Variants in APLP1 observed in about 807,000 individuals in gnomAD.
The protein encoded by APLP1 is amyloid beta precursor like protein 1.
A neutral mutation model predicts 84.5 loss-of-function variants in APLP1; 46 were observed. The ratio of observed to expected loss-of-function variants is 0.54; its 90% CI spans 0.43 to 0.70. The LOEUF is 0.70. APLP1 is among the 30% of genes least tolerant of loss of function. The probability of loss-of-function intolerance (pLI) is 0.00; values close to 1 mark genes in which losing one functional copy is unlikely to be tolerated. For synonymous variants in APLP1, 376 were observed against 364.0 expected, an observed-to-expected ratio of 1.03 and a Z score of -0.38; for missense variants, 826 against 900.2, an observed-to-expected ratio of 0.92 and a Z score of 1.05.
At chr19:35,873,106 C>T (rs1246451243) in intron 7 of APLP1, among the ~76,000 whole-genome samples, 1 of 151,764 alleles carries the variant, frequency 6.6e-6, no homozygotes, top group African/African-American at 2.4e-5. Context: ...GAGATCCACC[C>T]GCCTCGGCCT....
intron 7 of APLP1, 28 bp downstream of exon 7, chr19:35,872,641 C>A: frequency 6.2e-7 from 1 of 1,605,214 alleles, no homozygotes; most frequent in Non-Finnish European, 8.5e-7. Flanking sequence ...CCCAGGACCC[C>A]CTACAGTACA....
Position 35,879,360 on chromosome 19 carries a change from C to A in APLP1, c.1875C>A (p.Thr625=), listed in dbSNP as rs1401341911. The change falls in exon 17 of 17, where the codon ACC becomes ACA. Residue 625 remains threonine (T), a synonymous_variant. Coordinates refer to ENST00000221891, the MANE Select transcript of APLP1 (RefSeq NM_001024807.3). ...CGTTGCAGGTGGACCCCATGCTGACCCTGGAGGAGCAGCAGCTCCGCGAAC... is the reference window on the plus strand; with the variant it reads ...CGTTGCAGGTGGACCCCATGCTGACACTGGAGGAGCAGCAGCTCCGCGAAC... The part of the protein sequence containing the change: ...HGVVEVDPML[T]LEEQQLRELQ... 6.2e-7 allele frequency: 1 copy of A among 1,613,970 alleles called. No homozygotes were observed. Among genetic ancestry groups the A allele is most frequent in the Non-Finnish European group, 8.5e-7 (1 of 1,179,996 alleles).
chr19:35,873,211 C>T (rs1974201210), intron 7 of APLP1, among the ~76,000 whole-genome samples: 1 of 151,384 alleles, frequency 6.6e-6, no homozygotes, highest in African/African-American at 2.4e-5. Context: ...AACCCAGGAG[C>T]CAGCGAGACT....
At chr19:35,878,467 GCC>G in intron 13 of APLP1, 115 bp from the exon 14 acceptor site, 1 of 1,017,158 alleles carries the variant, frequency 9.8e-7, no homozygotes, top group Non-Finnish European at 1.5e-6. Context: ...GATCACTGGA[GCC>G]CAGGAAGTTG....
At chr19:35,869,450 A>T (rs1395498627) in intron 1 of APLP1, 6 of 693,304 alleles carry the variant, frequency 8.7e-6, no homozygotes, top group Non-Finnish European at 1.5e-5. Context: ...AGGCAGAAAG[A>T]ATCCCGGGGG....
At chr19:35,875,909 A>G (rs230268) in intron 10 of APLP1, among the ~76,000 whole-genome samples, 15,498 of 143,688 alleles carry the variant, frequency 0.11, 1,525 homozygotes, top group African/African-American at 0.28. Context: ...GTGAGCCACC[A>G]TGCCCGGCCA....
At chr19:35,873,006 C>T (rs1318058478) in intron 7 of APLP1, among the ~76,000 whole-genome samples, 1 of 152,006 alleles carries the variant, frequency 6.6e-6, no homozygotes, top group Admixed American at 6.6e-5. Context: ...ATTACAGGCA[C>T]CCACCACCAC....
chr19:35,868,746 T>C lies in APLP1; in HGVS notation c.110T>C (p.Ile37Thr). ...LLLLLRAQPA[I>T]GSLAGGSPGA... The stretch of plus-strand genomic sequence containing the variant: ...CTGCTTCTGCGCGCGCAGCCCGCCA[T>C]CGGGAGCCTGGCCGGTGGGAGCCCC... The change falls in exon 1 of 17, where the codon ATC (isoleucine) becomes ACC (threonine). Residue 37 changes from isoleucine (I) to threonine (T), a missense_variant. Ile to Thr is a moderately conservative substitution (Grantham distance 89). Transcript: ENST00000221891. This position sits in a 1 kb window ranked among gnomAD's most constrained non-coding sequence, Gnocchi z 5.2. The C allele has an allele frequency of 7.4e-7, 1 of 1,357,788 alleles. No individual in the cohort carries two copies. Among genetic ancestry groups the C allele is most frequent in the Non-Finnish European group, 9.4e-7 (1 of 1,059,158 alleles). The allele number at this position is 1,357,788 out of a possible 1,614,324, so 84.1% of individuals were successfully genotyped here.
rs1199267803 is a variant in APLP1 at position 35,879,364 on chromosome 19, G to A, written c.1879G>A (p.Glu627Lys). 1.9e-5 allele frequency: 31 copies of A among 1,613,946 alleles called. No homozygotes were observed. The East Asian group carries it at 6.9e-4, about 36-fold the overall frequency. Residue 627 changes from glutamate to lysine, a missense_variant, in exon 17 of 17, where the codon GAG (glutamate) becomes AAG (lysine). Around this residue, in one of 3 missense-constraint regions of APLP1, gnomAD observed 433 missense variants for 496.5 expected, o/e 0.87. Transcript: ENST00000221891. ...GCAGGTGGACCCCATGCTGACCCTG[G>A]AGGAGCAGCAGCTCCGCGAACTGCA... The part of the protein sequence containing the change: ...VVEVDPMLTL[E>K]EQQLRELQRH...
At position 35,879,128 on chromosome 19, in the gene APLP1, G is replaced by A; in HGVS notation, c.1768G>A (p.Gly590Arg). Residue 590 changes from glycine (G) to arginine (R), a missense_variant, in exon 16 of 17, where the codon GGA becomes AGA. By Grantham distance (125) the Gly-to-Arg change is moderately radical (BLOSUM62 -2). This residue lies in a region of APLP1 where 433 missense variants were observed against 496.5 expected (regional missense o/e 0.87). Coordinates refer to ENST00000221891, the MANE Select transcript of APLP1 (RefSeq NM_001024807.3). ...REAVSGLLIM[G>R]AGGGSLIVLS... Reference sequence around the variant, plus strand: ...GGCTGTGTCGGGTCTGCTGATCATGGGAGCGGGCGGAGGCTCCCTCATCGT... The same window carrying A: ...GGCTGTGTCGGGTCTGCTGATCATGAGAGCGGGCGGAGGCTCCCTCATCGT... 1 of 1,612,276 alleles carries A rather than the reference G, an allele frequency of 6.2e-7. No individual in the cohort carries two copies. The highest frequency in any genetic ancestry group is 8.5e-7 in the Non-Finnish European group (1 of 1,179,994).
Position 35,879,342 on chromosome 19 carries a change from G to T in APLP1, c.1858-1G>T. The T allele has an allele frequency of 6.2e-7, 1 of 1,613,962 alleles. No homozygotes were observed. Among genetic ancestry groups the T allele is most frequent in the Non-Finnish European group, 8.5e-7 (1 of 1,179,988 alleles). ...TCCTTTCCCTCCCCTGCTCGTTGCAGGTGGACCCCATGCTGACCCTGGAGG... is the reference window on the plus strand; with the variant it reads ...TCCTTTCCCTCCCCTGCTCGTTGCATGTGGACCCCATGCTGACCCTGGAGG... On this transcript the variant is annotated splice_acceptor_variant, in intron 16 of 16. Transcript: ENST00000221891. LOFTEE classifies it high-confidence loss of function.
chr19:35,879,568 G>T lies in APLP1; in HGVS notation c.*127G>T, dbSNP rs1185996670. The T allele has an allele frequency of 2.7e-6, 2 of 749,936 alleles. No homozygotes were observed. Among genetic ancestry groups the T allele is most frequent in the Non-Finnish European group, 2.1e-6 (1 of 470,700 alleles). 46.5% of individuals were successfully genotyped at this position (749,936 alleles called of 1,614,324 possible). ...TCATTTCACACCCTTTTGTGAGACG[G>T]CTGGAAATTCTTATTTCCCCTTTCC... On this transcript the variant is annotated 3_prime_UTR_variant, in exon 17 of 17. Coordinates refer to ENST00000221891, the MANE Select transcript of APLP1 (RefSeq NM_001024807.3).
At chr19:35,871,489 C>A in intron 4 of APLP1, 123 bp from the exon 5 acceptor site, 1 of 1,413,278 alleles carries the variant, frequency 7.1e-7, no homozygotes, top group East Asian at 2.3e-5. Flanking sequence ...ATCCCCCAAC[C>A]CCTTCCTCTA....
At chr19:35,873,604 G>T in intron 7 of APLP1, 35 bp from the exon 8 acceptor site, 1 of 1,610,464 alleles carries the variant, frequency 6.2e-7, no homozygotes, top group East Asian at 2.2e-5. Flanking sequence ...GATCAGGGTG[G>T]ATTCTGGGAT....
At position 35,870,946 on chromosome 19, in the gene APLP1, C is replaced by G. The variant is rs755568164; in HGVS notation, c.342C>G (p.Ile114Met). The stretch of plus-strand genomic sequence containing the variant: ...GTGTGGAGCAGGCTACGCAGGCCAT[C>G]CCCATGGAGCGCTGGTGCGGGGGTT... ...IARVEQATQAIPMERWCGGSR... is the reference protein window; with the variant it reads ...IARVEQATQAMPMERWCGGSR... The change falls in exon 3 of 17, where the codon ATC (isoleucine) becomes ATG (methionine). Residue 114 changes from isoleucine (I) to methionine (M), a missense_variant. By Grantham distance (10) the Ile-to-Met change is conservative. Transcript: ENST00000221891. The G allele has an allele frequency of 3.4e-5, 54 of 1,596,500 alleles. No individual in the cohort carries two copies. The highest frequency in any genetic ancestry group is 4.4e-5 in the Non-Finnish European group (52 of 1,172,920).
Position 35,874,528 on chromosome 19 carries a change from C to T in APLP1, c.1081C>T (p.Leu361=), listed in dbSNP as rs1462865281. 1 of 1,614,224 alleles carries T rather than the reference C, an allele frequency of 6.2e-7. No homozygotes were observed. The highest frequency in any genetic ancestry group is 2.2e-5 in the East Asian group (1 of 44,888). Residue 361 remains leucine (L), a synonymous_variant, in exon 9 of 17, where the codon CTG becomes TTG. Transcript: ENST00000221891. This position sits in a 1 kb window ranked among gnomAD's most constrained non-coding sequence, Gnocchi z 6.4. ...GCACTTCCAGTCCATTCTGCAGACT[C>T]TGGAGGAGCAGGTGTCTGGTGAGCG... is the stretch of plus-strand genomic sequence containing the variant. The part of the protein sequence containing the change: ...NEHFQSILQT[L]EEQVSGERQR...
intron 12 of APLP1, 45 bp from the exon 13 acceptor site, chr19:35,878,037 C>T (rs761064865): frequency 8.1e-6 from 13 of 1,596,284 alleles, no homozygotes; most frequent in Non-Finnish European, 1.1e-5. Flanking sequence ...TGCTGATACC[C>T]TCCTCTCTTC....
chr19:35,872,081 A>G (rs1974169343), intron 6 of APLP1, 45 bp downstream of exon 6: 12 of 1,585,936 alleles, frequency 7.6e-6, no homozygotes, highest in Non-Finnish European at 1.0e-5. Context: ...CCATAGAGGG[A>G]GAAAGATCTG....
At chr19:35,876,672 C>T in intron 11 of APLP1, 56 bp downstream of exon 11, 3 of 1,415,206 alleles carry the variant, frequency 2.1e-6, no homozygotes, top group Non-Finnish European at 2.9e-6. Context: ...GATCTTGACT[C>T]CTAAATGTTG....
Sources: gnomAD v4.1 joint callset for allele counts (sites outside exome capture counted in the v4.1 genomes callset) on GRCh38, gnomAD v4.1.1 for gene constraint, gnomAD v4.1.1 regional missense constraint, Gnocchi (gnomAD v3.1) non-coding constraint, MANE v1.5 for transcripts, NCBI Gene and HGNC (gene_info 2026-07-23, HGNC 2026-07-21) for gene names.